Variants in CAMTA1 observed in about 807,000 individuals in gnomAD.
CAMTA1 encodes calmodulin-binding transcription activator 1.
A neutral mutation model predicts 170.9 loss-of-function variants in CAMTA1; 27 were observed. The observed-to-expected ratio is 0.16, with a 90% CI of 0.12 to 0.22. The LOEUF is 0.22. CAMTA1 is among the 10% of genes least tolerant of loss of function. The pLI, the probability that CAMTA1 is intolerant of heterozygous loss-of-function variation, is 1.00. For missense variants in CAMTA1, 1,619 were observed against 2,217.2 expected (o/e 0.73, Z 5.42); for synonymous variants, 833 against 891.5 (o/e 0.93, Z 1.17).
intron 6 of CAMTA1, among the ~76,000 whole-genome samples, chr1:7,546,674 T>C (rs569345178): frequency 1.3e-5 from 2 of 152,358 alleles, no homozygotes; most frequent in East Asian, 3.9e-4. Context: ...TGTTGTTTTT[T>C]AACTTTTTAA....
At chr1:7,542,446 G>A (rs1191349026) in intron 6 of CAMTA1, among the ~76,000 whole-genome samples, 2 of 151,548 alleles carry the variant, frequency 1.3e-5, no homozygotes, top group African/African-American at 4.9e-5. Flanking sequence ...TTGTTTGTTT[G>A]TTTTTTTGAG....
chr1:6,823,505 A>G (rs554577777), intron 2 of CAMTA1, among the ~76,000 whole-genome samples: 1 of 152,290 alleles, frequency 6.6e-6, no homozygotes, highest in South Asian at 2.1e-4. Context: ...GAGGATGGGT[A>G]TTATAATTCA....
chr1:7,318,044 G>A (rs1464212271), intron 5 of CAMTA1, among the ~76,000 whole-genome samples: 1 of 152,176 alleles, frequency 6.6e-6, no homozygotes, highest in Non-Finnish European at 1.5e-5. Context: ...TGTGGAGCTA[G>A]CATGCTTGAA....
chr1:7,750,978 A>T (rs941427599), intron 19 of CAMTA1: 1 of 680,498 alleles, frequency 1.5e-6, no homozygotes, highest in African/African-American at 1.8e-5. Flanking sequence ...TTAGGGAAAA[A>T]ATATATGTCT....
At chr1:6,888,807 G>T (rs574763535) in intron 3 of CAMTA1, among the ~76,000 whole-genome samples, 33 of 151,854 alleles carry the variant, frequency 2.2e-4, no homozygotes, top group African/African-American at 7.7e-4. Flanking sequence ...CTTTGAGGAA[G>T]TTTTTCTTTT....
intron 4 of CAMTA1, among the ~76,000 whole-genome samples, chr1:7,150,959 T>C (rs1646538335): frequency 6.6e-6 from 1 of 152,220 alleles, no homozygotes. Context: ...CATCAAATGA[T>C]CTGCTGCAGC....
chr1:7,669,427 A>G (rs1221319369), intron 9 of CAMTA1, among the ~76,000 whole-genome samples: 1 of 152,246 alleles, frequency 6.6e-6, no homozygotes, highest in Admixed American at 6.5e-5. Flanking sequence ...GGCTCCTTGT[A>G]GAGGCCGGGG....
Position 6,934,313 on chromosome 1 carries a change from G to A in CAMTA1, c.234+109103G>A, listed in dbSNP as rs1232530391. On this transcript the variant is annotated intron_variant, in intron 3 of 22. Transcript: ENST00000303635. The surrounding 1 kb of genome is among the most constrained non-coding windows in gnomAD (Gnocchi z 4.5). ...CTCCCGGAAGTTAGCATCGCTCATG[G>A]CCCTCAGTCAGGGCATGGCAGAGGA... Among the ~76,000 whole-genome samples the A allele has an allele frequency of 6.6e-6, 1 of 152,162 alleles. No individual in the cohort carries two copies. The highest frequency in any genetic ancestry group is 6.5e-5 in the Admixed American group (1 of 15,276).
chr1:7,108,262 T>G (rs532584239), intron 4 of CAMTA1, among the ~76,000 whole-genome samples: 7 of 152,196 alleles, frequency 4.6e-5, no homozygotes, highest in Non-Finnish European at 1.0e-4. Flanking sequence ...GAAAATTACC[T>G]TCTCACCGTG....
At chr1:7,536,844 TC>T (rs35347258) in intron 6 of CAMTA1, among the ~76,000 whole-genome samples, 74,116 of 151,948 alleles carry the variant, frequency 0.49, 18,622 homozygotes, top group Admixed American at 0.58. Flanking sequence ...CCTGAGCTAC[TC>T]CCAGGGATCC....
chr1:7,177,348 C>T (rs1253332730), intron 4 of CAMTA1, among the ~76,000 whole-genome samples: 1 of 149,982 alleles, frequency 6.7e-6, no homozygotes, highest in Non-Finnish European at 1.5e-5. Flanking sequence ...CTTCCTTCAG[C>T]ACATCAAAGC....
chr1:7,344,922 G>C (rs1004228416), intron 5 of CAMTA1, among the ~76,000 whole-genome samples: 1 of 149,032 alleles, frequency 6.7e-6, no homozygotes, highest in African/African-American at 2.5e-5. Context: ...AATTTTTTTT[G>C]TATTTTTTTT....
intron 5 of CAMTA1, among the ~76,000 whole-genome samples, chr1:7,384,388 T>C (rs2087700944): frequency 2.0e-5 from 3 of 152,214 alleles, no homozygotes; most frequent in Admixed American, 6.5e-5. Context: ...CTCACCTGGA[T>C]GCTAATCCTG....
chr1:7,531,665 G>A (rs985367569), intron 6 of CAMTA1, among the ~76,000 whole-genome samples: 2 of 152,222 alleles, frequency 1.3e-5, no homozygotes, highest in Non-Finnish European at 2.9e-5. Context: ...CTCTCGCCAG[G>A]TCCACTCCCA....
intron 3 of CAMTA1, among the ~76,000 whole-genome samples, chr1:6,917,851 C>CG (rs749028480): frequency 1.9e-3 from 57 of 29,664 alleles, no homozygotes; most frequent in Middle Eastern, 0.028. Context: ...CCATCGGGGG[C>CG]GGGGGGGGAC....
chr1:7,449,872 G>A (rs2092779187), intron 5 of CAMTA1, among the ~76,000 whole-genome samples: 1 of 151,964 alleles, frequency 6.6e-6, no homozygotes, highest in Non-Finnish European at 1.5e-5. Flanking sequence ...CGAGGAGTAT[G>A]AGCCTGACTC....
Position 6,862,574 on chromosome 1 carries a change from G to A in CAMTA1, c.234+37364G>A, listed in dbSNP as rs141154803. Among the ~76,000 whole-genome samples, 131 of 151,866 alleles carry A rather than the reference G, an allele frequency of 8.6e-4. No homozygotes were observed. The Middle Eastern group carries it at 0.017, about 20-fold the overall frequency. On this transcript the variant is annotated intron_variant, in intron 3 of 22. Transcript: ENST00000303635. ...ATTTGAATTTAGCTTCCATTATTCC[G>A]CCAAACCTTCTTTCTTAGATCACTA...
chr1:6,947,988 C>T (rs1205972615), intron 3 of CAMTA1, among the ~76,000 whole-genome samples: 2 of 152,062 alleles, frequency 1.3e-5, no homozygotes, highest in African/African-American at 4.8e-5. Flanking sequence ...TTTACTTTTT[C>T]CTTTCCAATA....
intron 16 of CAMTA1, among the ~76,000 whole-genome samples, chr1:7,739,328 C>A (rs1020395490): frequency 6.6e-6 from 1 of 152,158 alleles, no homozygotes; most frequent in African/African-American, 2.4e-5. Flanking sequence ...TGGGAGAGGC[C>A]TGATTTCTGA....
Sources: allele counts gnomAD v4.1 joint callset (sites outside exome capture counted in the v4.1 genomes callset), GRCh38; gene constraint gnomAD v4.1.1; non-coding constraint Gnocchi (gnomAD v3.1); transcripts MANE v1.5; gene names NCBI Gene and HGNC (gene_info 2026-07-23, HGNC 2026-07-21).